Variants in ATRNL1 observed in about 807,000 individuals in gnomAD.
The protein encoded by ATRNL1 is attractin-like protein 1.
A neutral mutation model predicts 182.7 loss-of-function variants in ATRNL1; 95 were observed. The ratio of observed to expected loss-of-function variants is 0.52; its 90% confidence interval spans 0.44 to 0.62. The LOEUF (loss-of-function observed/expected upper bound fraction) is 0.62. ATRNL1 is among the 20% of genes least tolerant of loss of function. The pLI is 0.00. For synonymous variants in ATRNL1, 576 were observed against 568.3 expected, an observed-to-expected ratio of 1.01 and a Z score of -0.19; for missense variants, 1,471 against 1,679.5, an observed-to-expected ratio of 0.88 and a Z score of 2.17.
chr10:115,650,159 A>C (rs1859894378), intron 26 of ATRNL1, among the ~76,000 whole-genome samples: 1 of 152,052 alleles, frequency 6.6e-6, no homozygotes, highest in Non-Finnish European at 1.5e-5. Flanking sequence ...ATACTGGGCA[A>C]TTTTCCTCCA....
chr10:115,254,506 G>GT (rs1433256029), intron 10 of ATRNL1, among the ~76,000 whole-genome samples: 1 of 150,254 alleles, frequency 6.7e-6, no homozygotes, highest in Non-Finnish European at 1.5e-5. Flanking sequence ...TTGTAAATTT[G>GT]TTTGAGTTCT....
At chr10:115,120,399 C>A (rs1046914613) in intron 2 of ATRNL1, 131 bp downstream of exon 2, 2 of 453,028 alleles carry the variant, frequency 4.4e-6, no homozygotes, top group Non-Finnish European at 7.8e-6. Context: ...ATATTTACAA[C>A]TTCTAGACAT....
intron 28 of ATRNL1, among the ~76,000 whole-genome samples, chr10:115,939,270 C>G (rs1346247505): frequency 6.6e-6 from 1 of 152,142 alleles, no homozygotes; most frequent in Non-Finnish European, 1.5e-5. Context: ...TAGGGCTTGT[C>G]CTGCCCTAGG....
At chr10:115,249,148 ATTTTTGTATTT>A (rs1295520029) in intron 10 of ATRNL1, among the ~76,000 whole-genome samples, 1 of 151,880 alleles carries the variant, frequency 6.6e-6, no homozygotes, top group Non-Finnish European at 1.5e-5. Context: ...TCTCCGGCTA[ATTTTTGTATTT>A]TTTTTGTATT....
intron 24 of ATRNL1, among the ~76,000 whole-genome samples, chr10:115,471,686 T>C (rs917118689): frequency 6.6e-6 from 1 of 150,900 alleles, no homozygotes; most frequent in Non-Finnish European, 1.5e-5. Context: ...ATTGTTTCCA[T>C]TGAGTTTTTG....
intron 27 of ATRNL1, among the ~76,000 whole-genome samples, chr10:115,734,159 A>G (rs1157978533): frequency 6.6e-6 from 1 of 150,652 alleles, no homozygotes. Flanking sequence ...ACTGCATTTC[A>G]TTTTTGTATA....
At chr10:115,437,195 A>G (rs1391721910) in intron 21 of ATRNL1, among the ~76,000 whole-genome samples, 1 of 152,060 alleles carries the variant, frequency 6.6e-6, no homozygotes, top group Non-Finnish European at 1.5e-5. Context: ...ACTAAAAGAA[A>G]ACCAATACTG....
In ATRNL1 at chr10:115,331,731, G is replaced by A. The variant is rs554276467; in HGVS notation, c.3038-2551G>A. ...ACTGCTCTGTTTCGGTGGGCTTGTT[G>A]ACATATTCTGAGCATACTGACTCTT... On this transcript the variant is annotated intron_variant, in intron 18 of 28. Coordinates refer to ENST00000355044, the MANE Select transcript of ATRNL1 (RefSeq NM_207303.4). Among the ~76,000 whole-genome samples, 7 of 152,094 alleles carry A rather than the reference G, an allele frequency of 4.6e-5. No homozygotes were observed. In the South Asian group the frequency reaches 1.5e-3, roughly 32 times the overall value.
At chr10:115,395,553 A>AT (rs1340908316) in intron 20 of ATRNL1, among the ~76,000 whole-genome samples, 2 of 151,744 alleles carry the variant, frequency 1.3e-5, no homozygotes, top group African/African-American at 4.8e-5. Flanking sequence ...TAATGTCTCT[A>AT]TGCCGTTCTT....
At chr10:115,246,065 C>T (rs1354020790) in intron 10 of ATRNL1, among the ~76,000 whole-genome samples, 1 of 151,942 alleles carries the variant, frequency 6.6e-6, no homozygotes, top group Non-Finnish European at 1.5e-5. Context: ...AAAAAATAAC[C>T]TTTTATTTTG....
chr10:115,349,691 C>T (rs553657597), intron 19 of ATRNL1, among the ~76,000 whole-genome samples: 10 of 152,172 alleles, frequency 6.6e-5, no homozygotes, highest in South Asian at 6.2e-4. Context: ...GTTGCATTTC[C>T]CTGATTATTA....
At chr10:115,599,777 A>C (rs1555015347) in intron 26 of ATRNL1, among the ~76,000 whole-genome samples, 1 of 152,192 alleles carries the variant, frequency 6.6e-6, no homozygotes, top group East Asian at 1.9e-4. Flanking sequence ...TGTCTACACT[A>C]CGAAAACTGT....
Position 115,353,444 on chromosome 10 carries a change from G to A in ATRNL1, c.3175+19025G>A, listed in dbSNP as rs188860429. Among the ~76,000 whole-genome samples the A allele has an allele frequency of 1.1e-4, 16 of 151,766 alleles. No individual in the cohort carries two copies. In the East Asian group the frequency reaches 1.2e-3, roughly 11 times the overall value. ...TTTCATTTCATTTCCTTCATTTTTA[G>A]TGTATGTTGTTTTTATAGCTAAAGT... On this transcript the variant is annotated intron_variant, in intron 19 of 28. Coordinates refer to ENST00000355044, the MANE Select transcript of ATRNL1 (RefSeq NM_207303.4).
chr10:115,716,741 G>A (rs1555056423), intron 26 of ATRNL1, among the ~76,000 whole-genome samples: 2 of 152,110 alleles, frequency 1.3e-5, no homozygotes, highest in Non-Finnish European at 1.5e-5. Flanking sequence ...ATTGTAGTCA[G>A]ATGCTTTTAT....
intron 24 of ATRNL1, among the ~76,000 whole-genome samples, chr10:115,492,039 T>C (rs1554976683): frequency 2.0e-5 from 3 of 152,148 alleles, no homozygotes; most frequent in African/African-American, 7.2e-5. Flanking sequence ...CGATGCCCTA[T>C]CCTGCTTCAG....
At chr10:115,793,261 C>A (rs1949571754) in intron 27 of ATRNL1, among the ~76,000 whole-genome samples, 1 of 151,962 alleles carries the variant, frequency 6.6e-6, no homozygotes, top group South Asian at 2.1e-4. Flanking sequence ...GAAGAAATGT[C>A]TTCTTTTATA....
chr10:115,683,442 C>G (rs1425060884), intron 26 of ATRNL1, among the ~76,000 whole-genome samples: 2 of 150,946 alleles, frequency 1.3e-5, no homozygotes, highest in African/African-American at 4.9e-5. Context: ...CCTTCTATAC[C>G]TAGAGAGTTT....
chr10:115,154,305 T>C (rs1415517190), intron 5 of ATRNL1, among the ~76,000 whole-genome samples: 1 of 151,946 alleles, frequency 6.6e-6, no homozygotes, highest in Non-Finnish European at 1.5e-5. Context: ...ATATTGACAG[T>C]GGGGTGTTAA....
intron 28 of ATRNL1, among the ~76,000 whole-genome samples, chr10:115,869,131 G>A (rs1440157798): frequency 8.6e-5 from 13 of 152,000 alleles, no homozygotes; most frequent in Non-Finnish European, 1.8e-4. Flanking sequence ...AGCCGGCCAA[G>A]TCTTTATTCT....
Sources: gnomAD v4.1 joint callset for allele counts (sites outside exome capture counted in the v4.1 genomes callset) on GRCh38, gnomAD v4.1.1 for gene constraint, MANE v1.5 for transcripts, NCBI Gene and HGNC (gene_info 2026-07-23, HGNC 2026-07-21) for gene names.